The following GPC5 variants were observed in gnomAD, a reference collection of about 807,000 sequenced individuals.
The protein encoded by GPC5 is glypican-5.
GPC5 carries 47 observed loss-of-function variants against 53.9 expected under a neutral mutation model. That is an observed-to-expected ratio of 0.87 (90% confidence interval 0.69 to 1.11). The LOEUF (loss-of-function observed/expected upper bound fraction) is 1.11. GPC5 is among the 50% of genes most tolerant of loss of function. GPC5 has a pLI of 0.00. For missense variants in GPC5, 748 were observed against 713.1 expected (o/e 1.05, Z -0.56); for synonymous variants, 286 against 263.3 (o/e 1.09, Z -0.84).
rs186965887 is a variant in GPC5, at chr13:91,744,199, C to G, written c.1155-12096C>G. On this transcript the variant is annotated intron_variant, in intron 4 of 7. Transcript: ENST00000377067. ...GGATGCATAACCTTAATCCTTATCACATAAACATATTTTGGATGGCATAAT... is the reference window on the plus strand; with the variant it reads ...GGATGCATAACCTTAATCCTTATCAGATAAACATATTTTGGATGGCATAAT... Among the ~76,000 whole-genome samples the G allele has an allele frequency of 7.3e-4, 111 of 152,128 alleles. 1 individual carries two copies. The highest frequency in any genetic ancestry group is 7.2e-4 in the Admixed American group (11 of 15,284).
chr13:92,460,457 AT>A (rs1878433782), intron 7 of GPC5, among the ~76,000 whole-genome samples: 1 of 152,110 alleles, frequency 6.6e-6, no homozygotes, highest in Non-Finnish European at 1.5e-5. Context: ...AGGAAAAGTT[AT>A]GTCCAATATA....
chr13:92,630,455 G>C (rs563240267), intron 7 of GPC5, among the ~76,000 whole-genome samples: 65 of 151,912 alleles, frequency 4.3e-4, no homozygotes, highest in East Asian at 7.7e-4. Context: ...GAATTGAAAT[G>C]GATTGTTGGG....
At chr13:92,037,198 T>C (rs1165759059) in intron 6 of GPC5, among the ~76,000 whole-genome samples, 4 of 151,234 alleles carry the variant, frequency 2.6e-5, no homozygotes, top group African/African-American at 9.7e-5. Context: ...CACATGCTCA[T>C]ACACACACAC....
chr13:92,607,180 A>T (rs1884285619), intron 7 of GPC5, among the ~76,000 whole-genome samples: 1 of 152,168 alleles, frequency 6.6e-6, no homozygotes. Flanking sequence ...ATTTGGTAAA[A>T]AGAGAAATTG....
At chr13:91,824,443 A>G (rs199655539) in intron 5 of GPC5, among the ~76,000 whole-genome samples, 2 of 152,196 alleles carry the variant, frequency 1.3e-5, no homozygotes, top group East Asian at 3.9e-4. Context: ...TTGTAGATTC[A>G]TGGCAATCCA....
intron 7 of GPC5, among the ~76,000 whole-genome samples, chr13:92,693,054 C>G (rs1887459617): frequency 6.6e-6 from 1 of 152,096 alleles, no homozygotes; most frequent in South Asian, 2.1e-4. Context: ...CTAGCTCTCT[C>G]TCTGTCCTGC....
chr13:92,210,045 G>T (rs2042363846), intron 7 of GPC5, among the ~76,000 whole-genome samples: 1 of 152,104 alleles, frequency 6.6e-6, no homozygotes, highest in African/African-American at 2.4e-5. Flanking sequence ...GCTGGCAGCT[G>T]ATTAGATTGT....
intron 7 of GPC5, among the ~76,000 whole-genome samples, chr13:92,599,362 G>A (rs565249661): frequency 2.0e-5 from 3 of 152,260 alleles, no homozygotes; most frequent in African/African-American, 4.8e-5. Context: ...CTAGAGTAAT[G>A]AGAAAAGTCG....
intron 7 of GPC5, among the ~76,000 whole-genome samples, chr13:92,424,007 A>T (rs1390892787): frequency 1.3e-5 from 1 of 79,212 alleles, no homozygotes; most frequent in Non-Finnish European, 2.3e-5. Context: ...TGTAATGAGT[A>T]AAAAAAATCA....
intron 2 of GPC5, among the ~76,000 whole-genome samples, chr13:91,548,096 T>C (rs577394780): frequency 3.9e-4 from 59 of 152,106 alleles, no homozygotes; most frequent in African/African-American, 1.4e-3. Context: ...TTTTCAACAT[T>C]GTCCTGGGAG....
chr13:92,393,463 A>G (rs930299490), intron 7 of GPC5, among the ~76,000 whole-genome samples: 4 of 152,170 alleles, frequency 2.6e-5, no homozygotes, highest in African/African-American at 9.7e-5. Context: ...CAGCCTGGCC[A>G]ACATGGCGAA....
At chr13:92,264,357 C>T (rs909871026) in intron 7 of GPC5, among the ~76,000 whole-genome samples, 14 of 152,028 alleles carry the variant, frequency 9.2e-5, no homozygotes, top group African/African-American at 3.1e-4. Flanking sequence ...AAAATAGTTA[C>T]TGGAAATAGG....
intron 1 of GPC5, among the ~76,000 whole-genome samples, chr13:91,429,039 C>A (rs1879251636): frequency 6.6e-6 from 1 of 152,122 alleles, no homozygotes; most frequent in South Asian, 2.1e-4. Context: ...CATGCCTCAG[C>A]CTCCCAAGTA....
At chr13:91,660,140 T>C (rs1316225346) in intron 2 of GPC5, among the ~76,000 whole-genome samples, 1 of 152,174 alleles carries the variant, frequency 6.6e-6, no homozygotes, top group African/African-American at 2.4e-5. Context: ...TGGCTCTACA[T>C]TGGAAACAGC....
intron 7 of GPC5, among the ~76,000 whole-genome samples, chr13:92,303,095 C>G (rs1446147085): frequency 6.6e-6 from 1 of 151,756 alleles, no homozygotes; most frequent in South Asian, 2.1e-4. Flanking sequence ...TTGTTTTTTT[C>G]CCCCCTATGG....
At chr13:91,692,027 A>G (rs1276954593) in intron 2 of GPC5, among the ~76,000 whole-genome samples, 2 of 152,146 alleles carry the variant, frequency 1.3e-5, no homozygotes, top group Non-Finnish European at 2.9e-5. Flanking sequence ...CTGTTGCTTA[A>G]TGCCTCATTT....
chr13:92,443,231 T>C (rs181950075), intron 7 of GPC5, among the ~76,000 whole-genome samples: 2 of 152,104 alleles, frequency 1.3e-5, no homozygotes, highest in African/African-American at 4.8e-5. Context: ...AGTGAGAAAA[T>C]ACTCATTACT....
rs554632878 is a variant in GPC5 at position 91,540,463 on chromosome 13, G to A, written c.325+91541G>A. Among the ~76,000 whole-genome samples, 6 of 152,342 alleles carry A rather than the reference G, an allele frequency of 3.9e-5. No homozygotes were observed. The South Asian group carries it at 6.2e-4, about 16-fold the overall frequency. On this transcript the variant is annotated intron_variant, in intron 2 of 7. Transcript: ENST00000377067. ...ATTTTTGAATAGGCCCAGTGGGGCT[G>A]GAGAGAAATGAAGAGTGACTGCTAA...
At chr13:92,018,032 ACAC>A (rs1400386644) in intron 6 of GPC5, among the ~76,000 whole-genome samples, 1 of 151,986 alleles carries the variant, frequency 6.6e-6, no homozygotes, top group African/African-American at 2.4e-5. Flanking sequence ...GTACACACAC[ACAC>A]AAGCTTCCAC....
Sources: allele counts gnomAD v4.1 joint callset (sites outside exome capture counted in the v4.1 genomes callset), GRCh38; gene constraint gnomAD v4.1.1; transcripts MANE v1.5; gene names NCBI Gene and HGNC (gene_info 2026-07-23, HGNC 2026-07-21).